Variants in AVEN observed in about 807,000 individuals in gnomAD.
AVEN encodes cell death regulator Aven.
AVEN carries 41 observed loss-of-function variants against 38.1 expected under a neutral mutation model. That is an observed-to-expected ratio of 1.08 (90% CI 0.84 to 1.40). The LOEUF is 1.40. AVEN is among the 40% of genes most tolerant of loss of function. The pLI is 0.00. For missense variants in AVEN, 605 were observed against 438.8 expected (o/e 1.38, Z -3.38); for synonymous variants, 206 against 171.8 (o/e 1.20, Z -1.56).
At chr15:33,961,421 G>A (rs1014355029) in intron 2 of AVEN, among the ~76,000 whole-genome samples, 1 of 152,164 alleles carries the variant, frequency 6.6e-6, no homozygotes, top group Non-Finnish European at 1.5e-5. Context: ...TGATTCTTAA[G>A]GTTCTACTGT....
chr15:33,853,182 G>T, the AVEN span: 1 of 1,088,008 alleles, frequency 9.2e-7, no homozygotes, highest in Non-Finnish European at 1.3e-6. Flanking sequence ...TAAATGTGAT[G>T]CTACTTTTAT....
At chr15:34,069,784 A>C (rs1900592735) in intron 2 of AVEN, among the ~76,000 whole-genome samples, 1 of 152,180 alleles carries the variant, frequency 6.6e-6, no homozygotes, top group Non-Finnish European at 1.5e-5. Flanking sequence ...TTCATTTGAA[A>C]TCAGTTGGGT....
At chr15:33,985,956 T>C (rs1410522316) in intron 2 of AVEN, among the ~76,000 whole-genome samples, 1 of 152,174 alleles carries the variant, frequency 6.6e-6, no homozygotes, top group Non-Finnish European at 1.5e-5. Flanking sequence ...GTGCCTGATA[T>C]CTCTCTGACA....
chr15:34,059,772 C>G (rs531721753), intron 5 of AVEN, among the ~76,000 whole-genome samples: 20 of 152,226 alleles, frequency 1.3e-4, no homozygotes, highest in Non-Finnish European at 2.4e-4. Context: ...TAGGTCTCTT[C>G]CTCAGGAAGT....
At chr15:33,860,375 T>C (rs1887727959) in intron 11 of AVEN, among the ~76,000 whole-genome samples, 1 of 152,074 alleles carries the variant, frequency 6.6e-6, no homozygotes. Context: ...GAGGAGCAAG[T>C]AGTTAACAGC....
chr15:33,929,659 C>G (rs1028402373), intron 2 of AVEN, among the ~76,000 whole-genome samples: 1 of 152,188 alleles, frequency 6.6e-6, no homozygotes, highest in Non-Finnish European at 1.5e-5. Context: ...TAAATTTGCA[C>G]ACAAAATGGG....
chr15:34,046,509 C>G (rs749267430), intron 5 of AVEN: 3 of 152,106 alleles, frequency 2.0e-5, no homozygotes, highest in African/African-American at 4.8e-5. Context: ...ATTTAACAGC[C>G]CCTTTGTGAA....
At chr15:33,962,485 C>T (rs936918885) in intron 2 of AVEN, among the ~76,000 whole-genome samples, 7 of 152,170 alleles carry the variant, frequency 4.6e-5, no homozygotes, top group Non-Finnish European at 1.0e-4. Context: ...AGCAAACTAT[C>T]ATTTATACCT....
At chr15:34,022,915 C>G (rs1038404450) in intron 1 of AVEN, among the ~76,000 whole-genome samples, 1 of 152,196 alleles carries the variant, frequency 6.6e-6, no homozygotes, top group African/African-American at 2.4e-5. Flanking sequence ...AGGCCGGGCG[C>G]GGTGGCTCAC....
chr15:33,866,497 T>TGGAACACACTAGCTTGAG lies in AVEN; in HGVS notation c.*98_*115dup. On this transcript the variant is annotated 3_prime_UTR_variant, in exon 6 of 6. Coordinates refer to ENST00000306730, the MANE Select transcript of AVEN (RefSeq NM_020371.3). ...TAGGCATTTACTGCTGTGAGCATAA[T>TGGAACACACTAGCTTGAG]GGAACACACTAGCTTGAGACATGCT... The TGGAACACACTAGCTTGAG allele has an allele frequency of 2.9e-6, 2 of 699,502 alleles. No individual in the cohort carries two copies. Among genetic ancestry groups the TGGAACACACTAGCTTGAG allele is most frequent in the Non-Finnish European group, 5.0e-6 (2 of 402,706 alleles). The allele number at this position is 699,502 out of a possible 1,614,324, so 43.3% of individuals were successfully genotyped here. A position where few individuals can be genotyped will look rare whatever the true frequency, so the allele number is the denominator to read the frequency against.
chr15:33,865,981 A>C (rs1890388225), downstream of AVEN: 1 of 152,840 alleles, frequency 6.5e-6, no homozygotes, highest in Admixed American at 6.5e-5. Flanking sequence ...AAAAAATCTC[A>C]ACCTTATGCC....
At chr15:33,937,426 G>A (rs533376901) in intron 2 of AVEN, among the ~76,000 whole-genome samples, 1 of 151,648 alleles carries the variant, frequency 6.6e-6, no homozygotes, top group South Asian at 2.1e-4. Flanking sequence ...CCAGCTACTC[G>A]GGAGGCTGAG....
intron 2 of AVEN, among the ~76,000 whole-genome samples, chr15:33,898,175 C>A (rs1296036849): frequency 3.3e-5 from 5 of 152,120 alleles, no homozygotes; most frequent in African/African-American, 1.2e-4. Flanking sequence ...GGCAACAGTG[C>A]GAGACTCCGT....
downstream of AVEN, among the ~76,000 whole-genome samples, chr15:33,855,539 A>C (rs566775260): frequency 6.6e-6 from 1 of 152,196 alleles, no homozygotes; most frequent in South Asian, 2.1e-4. Flanking sequence ...TCCTCCATGA[A>C]TCTGATATAT....
the AVEN span, among the ~76,000 whole-genome samples, chr15:33,852,708 T>C: frequency 4.3e-4 from 66 of 152,326 alleles, no homozygotes; most frequent in African/African-American, 1.3e-3. Flanking sequence ...TAGCATTTTG[T>C]TTCTGGTTAT....
intron 2 of AVEN, among the ~76,000 whole-genome samples, chr15:33,961,612 G>C (rs1385508469): frequency 4.6e-5 from 7 of 151,600 alleles, no homozygotes; most frequent in African/African-American, 1.5e-4. Flanking sequence ...AGGAGATCGA[G>C]ACCATTCTGG....
chr15:33,899,460 C>CTGTTTTTTTTTT (rs1892391318), intron 2 of AVEN, among the ~76,000 whole-genome samples: 1 of 65,430 alleles, frequency 1.5e-5, no homozygotes, highest in Non-Finnish European at 2.9e-5. Flanking sequence ...CAGGGAAAAC[C>CTGTTTTTTTTTT]TTTTTTTTTT....
At chr15:33,857,971 C>CCACCTCACTGG, downstream of AVEN, 1 of 1,603,478 alleles carries the variant, frequency 6.2e-7, no homozygotes. Context: ...CCCCGCCCCA[C>CCACCTCACTGG]CACCTCACTG....
At chr15:34,023,557 A>G (rs1898306179) in intron 1 of AVEN, among the ~76,000 whole-genome samples, 1 of 152,076 alleles carries the variant, frequency 6.6e-6, no homozygotes, top group Admixed American at 6.6e-5. Flanking sequence ...TCAGTGCACA[A>G]TTTCTTAACC....
Sources: gnomAD v4.1 joint callset for allele counts (sites outside exome capture counted in the v4.1 genomes callset) on GRCh38, gnomAD v4.1.1 for gene constraint, MANE v1.5 for transcripts, NCBI Gene and HGNC (gene_info 2026-07-23, HGNC 2026-07-21) for gene names.